The following CCDC82 variants were observed in gnomAD, a reference collection of about 807,000 sequenced individuals.
The protein encoded by CCDC82 is coiled-coil domain containing 82, also known as coiled-coil domain-containing protein 82.
Under a neutral mutation model 60.6 loss-of-function variants are expected in CCDC82, and 47 were observed. That is an observed-to-expected ratio of 0.77 (90% CI 0.61 to 0.99). The LOEUF (loss-of-function observed/expected upper bound fraction) is 0.99, where lower values mean the gene tolerates loss of function less well. CCDC82 is among the 50% of genes least tolerant of loss of function. The pLI, the probability that CCDC82 is intolerant of heterozygous loss-of-function variation, is 0.00. For missense variants in CCDC82, 588 were observed against 633.0 expected, an observed-to-expected ratio of 0.93 and a Z score of 0.76; for synonymous variants, 212 against 207.4, an observed-to-expected ratio of 1.02 and a Z score of -0.19.
chr11:96,383,834 A>C (rs1866016406), intron 4 of CCDC82, 128 bp downstream of exon 4: 1 of 850,506 alleles, frequency 1.2e-6, no homozygotes, highest in Non-Finnish European at 1.8e-6. Flanking sequence ...ATGTTCAAGA[A>C]TACTTGATTA....
intron 7 of CCDC82, among the ~76,000 whole-genome samples, chr11:96,370,490 AC>A (rs1297595635): frequency 6.6e-6 from 1 of 152,210 alleles, no homozygotes; most frequent in Non-Finnish European, 1.5e-5. Flanking sequence ...CACTATCTAG[AC>A]CAGTGTTTCC....
intron 9 of CCDC82, 35 bp downstream of exon 9, chr11:96,358,958 A>G: frequency 6.6e-7 from 1 of 1,524,284 alleles, no homozygotes; most frequent in Non-Finnish European, 8.9e-7. Context: ...AGCCTTCAGA[A>G]TCTACATGAT....
intron 7 of CCDC82, among the ~76,000 whole-genome samples, 188 bp from the exon 8 acceptor site, chr11:96,365,338 T>G (rs1029885775): frequency 2.0e-5 from 3 of 152,154 alleles, no homozygotes; most frequent in Non-Finnish European, 4.4e-5. Flanking sequence ...ATAAAAAAAT[T>G]TATAATCTTG....
chr11:96,377,059 C>G (rs112384659), intron 5 of CCDC82, among the ~76,000 whole-genome samples: 1,768 of 152,242 alleles, frequency 0.012, 28 homozygotes, highest in African/African-American at 0.04. Flanking sequence ...ATTTCAAGAA[C>G]CAAGAGAATG....
In CCDC82 at chr11:96,384,592, A is replaced by T; in HGVS notation, c.156T>A (p.Asp52Glu). Residue 52 changes from aspartate (D) to glutamate (E), a missense_variant, in exon 4 of 10, where the codon GAT (aspartate) becomes GAA (glutamate). Transcript: ENST00000646818. ...AACTTTCATCACTATCAAGCTCTTC[A>T]TCACTATCAAATTCTTCACTATCAA... ...EELDSEEFDS[D>E]EELDSDESFE... 1 of 1,613,604 alleles carries T rather than the reference A, an allele frequency of 6.2e-7. No homozygotes were observed. Among genetic ancestry groups the T allele is most frequent in the South Asian group, 1.1e-5 (1 of 91,058 alleles).
chr11:96,374,276 G>A (rs1467687700), intron 5 of CCDC82, among the ~76,000 whole-genome samples: 2 of 152,176 alleles, frequency 1.3e-5, no homozygotes, highest in Non-Finnish European at 2.9e-5. Flanking sequence ...TCTGACAAGG[G>A]ATTAAAGCAA....
rs534114466 is a variant in CCDC82, at chr11:96,373,307, AAGTG to A, written c.1084+64_1084+67del. On this transcript the variant is annotated intron_variant, in intron 6 of 9. Coordinates refer to ENST00000646818, the MANE Select transcript of CCDC82 (RefSeq NM_024725.4). ...TTTTGTTTAATCTACATAGTTTTAA[AAGTG>A]AGGTTGTTTTAAAATTGGAAAAAGA... 1.2e-3 allele frequency: 1,144 copies of A among 976,680 alleles called. 16 individuals are homozygous for A. In the Admixed American group the frequency reaches 0.022, roughly 19 times the overall value. The allele number at this position is 976,680 out of a possible 1,614,324, so 60.5% of individuals were successfully genotyped here. A position where few individuals can be genotyped will look rare whatever the true frequency, so the allele number is the denominator to read the frequency against.
chr11:96,372,864 T>C (rs1865360670), intron 6 of CCDC82, among the ~76,000 whole-genome samples: 1 of 151,486 alleles, frequency 6.6e-6, no homozygotes. Flanking sequence ...AGTATTACCA[T>C]ACTCAGAATG....
Position 96,353,718 on chromosome 11 carries a change from C to G in CCDC82, c.1567-4G>C. ...ATTCTTCAAGTTGACCATATTTCTG[C>G]ATATACAATAGAAAAGCTAGTTATT... On this transcript the variant is annotated splice_polypyrimidine_tract_variant and splice_region_variant and intron_variant, in intron 9 of 9. Transcript: ENST00000646818. 4 of 1,603,036 alleles carry G rather than the reference C, an allele frequency of 2.5e-6. No individual in the cohort carries two copies. The highest frequency in any genetic ancestry group is 3.4e-6 in the Non-Finnish European group (4 of 1,173,442).
intron 8 of CCDC82, among the ~76,000 whole-genome samples, chr11:96,360,514 C>T (rs915012488): frequency 1.3e-5 from 2 of 151,986 alleles, no homozygotes; most frequent in African/African-American, 4.8e-5. Flanking sequence ...TTACCTACAT[C>T]ATTTTACCCA....
At chr11:96,354,085 T>A (rs1864227096) in intron 9 of CCDC82, 1 of 166,332 alleles carries the variant, frequency 6.0e-6, no homozygotes, top group Non-Finnish European at 1.3e-5. Flanking sequence ...CAGTGTTTTT[T>A]AAAAGATACT....
In CCDC82 at chr11:96,384,513, G is replaced by C; in HGVS notation, c.235C>G (p.Pro79Ala). The C allele has an allele frequency of 6.2e-7, 1 of 1,613,550 alleles. No homozygotes were observed. Among genetic ancestry groups the C allele is most frequent in the Non-Finnish European group, 8.5e-7 (1 of 1,179,732 alleles). ...SNKGPDCNKT[P>A]GSERELNLSK... is the part of the protein sequence containing the mutation. ...AAGTTGAGCTCTCTTTCACTTCCTG[G>C]TGTTTTATTACAATCAGGTCCCTTG... The change falls in exon 4 of 10, where the codon CCA (proline) becomes GCA (alanine). Residue 79 changes from proline to alanine, a missense_variant. Coordinates refer to ENST00000646818, the MANE Select transcript of CCDC82 (RefSeq NM_024725.4).
At chr11:96,358,699 T>C in intron 9 of CCDC82, 1 of 1,192,612 alleles carries the variant, frequency 8.4e-7, no homozygotes, top group African/African-American at 1.6e-5. Flanking sequence ...GGACTTAATA[T>C]ATATGTAAGC....
Position 96,384,618 on chromosome 11 carries a change from G to A in CCDC82, c.130C>T (p.Leu44Phe), listed in dbSNP as rs1442084165. 2 of 1,613,342 alleles carry A rather than the reference G, an allele frequency of 1.2e-6. No individual in the cohort carries two copies. The highest frequency in any genetic ancestry group is 1.7e-6 in the Non-Finnish European group (2 of 1,179,648). ...TCACTATCAAATTCTTCACTATCAA[G>A]CTCTTCATCACTATCAAGTAATTGT... ...ISQLLDSDEE[L>F]DSEEFDSDEE... Residue 44 changes from leucine (L) to phenylalanine (F), a missense_variant, in exon 4 of 10, where the codon CTT becomes TTT. Physicochemically the swap from Leu to Phe is conservative, Grantham distance 22 (BLOSUM62 0). Transcript: ENST00000646818.
intron 9 of CCDC82, chr11:96,357,457 T>C: frequency 1.0e-6 from 1 of 985,134 alleles, no homozygotes; most frequent in Non-Finnish European, 1.2e-6. Flanking sequence ...TCCTTTCTTT[T>C]CCTAAGAAAA....
chr11:96,376,390 A>G (rs77279246), intron 5 of CCDC82, among the ~76,000 whole-genome samples: 11,385 of 114,758 alleles, frequency 0.099, 480 homozygotes, highest in African/African-American at 0.14. Context: ...TCTGTTTCAC[A>G]GTAAAGTGTA....
chr11:96,356,821 A>G, intron 9 of CCDC82: 1 of 985,422 alleles, frequency 1.0e-6, no homozygotes, highest in Non-Finnish European at 1.2e-6. Context: ...TGTCTTTGGG[A>G]AGACATGCTG....
chr11:96,372,458 T>A (rs964013712), intron 6 of CCDC82, among the ~76,000 whole-genome samples: 6 of 151,650 alleles, frequency 4.0e-5, no homozygotes, highest in Non-Finnish European at 7.4e-5. Flanking sequence ...TAAGTCACTG[T>A]CACATCCCCA....
intron 5 of CCDC82, 53 bp from the exon 6 acceptor site, chr11:96,373,520 G>T: frequency 9.5e-7 from 1 of 1,048,844 alleles, no homozygotes; most frequent in Non-Finnish European, 1.5e-6. Flanking sequence ...ATAATTTCTT[G>T]AATACAATAG....
Sources: allele counts gnomAD v4.1 joint callset (sites outside exome capture counted in the v4.1 genomes callset), GRCh38; gene constraint gnomAD v4.1.1; transcripts MANE v1.5; gene names NCBI Gene and HGNC (gene_info 2026-07-23, HGNC 2026-07-21).